The following PTPRD variants were observed in gnomAD, a reference collection of about 807,000 sequenced individuals.
PTPRD encodes protein tyrosine phosphatase receptor type D.
Under a neutral mutation model 214.5 loss-of-function variants are expected in PTPRD, and 34 were observed. The ratio of observed to expected loss-of-function variants is 0.16; its 90% CI spans 0.12 to 0.21. The LOEUF (loss-of-function observed/expected upper bound fraction) is 0.21, where lower values mean the gene tolerates loss of function less well. PTPRD is among the 10% of genes least tolerant of loss of function. The probability of loss-of-function intolerance (pLI) is 1.00; values close to 1 mark genes in which losing one functional copy is unlikely to be tolerated. For missense variants in PTPRD, 2,545 were observed against 2,398.7 expected, an observed-to-expected ratio of 1.06 and a Z score of -1.27; for synonymous variants, 1,128 against 845.7, an observed-to-expected ratio of 1.33 and a Z score of -5.79.
chr9:9,030,994 A>G (rs558987877), intron 10 of PTPRD, among the ~76,000 whole-genome samples: 10 of 152,058 alleles, frequency 6.6e-5, no homozygotes, highest in Admixed American at 2.0e-4. Context: ...GCTGAGTCTG[A>G]TATAATGGTG....
At chr9:10,393,832 T>G (rs1421450198) in intron 2 of PTPRD, among the ~76,000 whole-genome samples, 1 of 148,636 alleles carries the variant, frequency 6.7e-6, no homozygotes, top group Admixed American at 6.8e-5. Flanking sequence ...TTTATATGAT[T>G]CGAAGTAATG....
intron 5 of PTPRD, among the ~76,000 whole-genome samples, chr9:9,825,320 GAA>G (rs1387508026): frequency 5.3e-5 from 8 of 150,590 alleles, no homozygotes; most frequent in African/African-American, 1.7e-4. Flanking sequence ...GAAAGAGAAA[GAA>G]AGAGAGAGAG....
intron 9 of PTPRD, among the ~76,000 whole-genome samples, chr9:9,341,253 C>T (rs1056644549): frequency 2.6e-5 from 4 of 151,988 alleles, no homozygotes; most frequent in African/African-American, 9.7e-5. Context: ...TCTATTTAAC[C>T]TCCATCTGTA....
At chr9:9,830,424 A>G (rs1371510952) in intron 5 of PTPRD, among the ~76,000 whole-genome samples, 3 of 151,938 alleles carry the variant, frequency 2.0e-5, no homozygotes, top group African/African-American at 4.8e-5. Context: ...AGCAGCTTAT[A>G]AAAGATTACA....
chr9:9,368,319 GT>G, intron 9 of PTPRD, among the ~76,000 whole-genome samples: 1 of 151,144 alleles, frequency 6.6e-6, no homozygotes, highest in East Asian at 2.0e-4. Context: ...GAGCTCACAT[GT>G]GAATGAAATA....
intron 4 of PTPRD, among the ~76,000 whole-genome samples, chr9:9,993,143 G>C (rs1423989547): frequency 6.6e-6 from 1 of 152,108 alleles, no homozygotes; most frequent in Non-Finnish European, 1.5e-5. Flanking sequence ...ACTAGTATGA[G>C]TTGGCAAAGA....
chr9:9,154,369 A>G (rs1430603062), intron 10 of PTPRD, among the ~76,000 whole-genome samples: 1 of 152,156 alleles, frequency 6.6e-6, no homozygotes, highest in Non-Finnish European at 1.5e-5. Context: ...GAAAAGTCCA[A>G]GAGAAAGTTG....
At position 10,567,865 on chromosome 9, in the gene PTPRD, G is replaced by T. The variant is rs534509041; in HGVS notation, c.-600+44533C>A. ...TGCATTAATTTTCATTAAATTATTG[G>T]AAACAATCAATATGATTTTTGCATT... On this transcript the variant is annotated intron_variant, in intron 2 of 45. Transcript: ENST00000381196. Among the ~76,000 whole-genome samples the T allele has an allele frequency of 1.6e-3, 237 of 151,158 alleles. 2 individuals are homozygous for T. Among genetic ancestry groups the T allele is most frequent in the African/African-American group, 5.5e-3 (226 of 41,298 alleles).
At chr9:10,315,968 C>A (rs2096411259) in intron 3 of PTPRD, among the ~76,000 whole-genome samples, 1 of 151,526 alleles carries the variant, frequency 6.6e-6, no homozygotes, top group Non-Finnish European at 1.5e-5. Context: ...GCTTTTGGAT[C>A]CAGATTAGCC....
intron 6 of PTPRD, among the ~76,000 whole-genome samples, chr9:9,735,054 G>C (rs895052947): frequency 2.2e-4 from 33 of 152,194 alleles, no homozygotes; most frequent in Admixed American, 1.3e-3. Flanking sequence ...AACCATGAAA[G>C]ATATTATAAT....
intron 3 of PTPRD, among the ~76,000 whole-genome samples, chr9:10,060,859 T>G (rs2097757438): frequency 8.5e-6 from 1 of 117,694 alleles, no homozygotes; most frequent in African/African-American, 6.7e-5. Flanking sequence ...CTTTCTTTCT[T>G]CCTTCCTTCT....
intron 2 of PTPRD, among the ~76,000 whole-genome samples, chr9:10,377,551 T>C (rs1382937568): frequency 1.3e-5 from 2 of 152,022 alleles, no homozygotes; most frequent in South Asian, 2.1e-4. Context: ...TTTGTTTTTT[T>C]TGTCCTTGCA....
At chr9:8,993,045 GGC>G (rs2099383733) in intron 11 of PTPRD, among the ~76,000 whole-genome samples, 1 of 152,088 alleles carries the variant, frequency 6.6e-6, no homozygotes, top group South Asian at 2.1e-4. Context: ...TACCAAAGAT[GGC>G]TACAGTTGAT....
At chr9:10,123,865 A>G (rs2098795659) in intron 3 of PTPRD, among the ~76,000 whole-genome samples, 1 of 152,210 alleles carries the variant, frequency 6.6e-6, no homozygotes. Flanking sequence ...ACAATGTCAC[A>G]TCCATAGTGC....
In PTPRD at chr9:9,864,849, T is replaced by A. The variant is rs570020117; in HGVS notation, c.-368+73658A>T. 7.4e-4 allele frequency among the ~76,000 whole-genome samples: 113 copies of A among 152,278 alleles called. 2 individuals carry two copies. The South Asian group carries it at 0.023, about 32-fold the overall frequency. On this transcript the variant is annotated intron_variant, in intron 5 of 45. Coordinates refer to ENST00000381196, the MANE Select transcript of PTPRD (RefSeq NM_002839.4). ...GCACTTCGTAGTAAAGGGTGCATTATTCACATTAAAATTTATTACACATTT... is the reference window on the plus strand; with the variant it reads ...GCACTTCGTAGTAAAGGGTGCATTAATCACATTAAAATTTATTACACATTT...
At chr9:9,360,314 C>T (rs1199987042) in intron 9 of PTPRD, among the ~76,000 whole-genome samples, 5 of 150,902 alleles carry the variant, frequency 3.3e-5, no homozygotes, top group African/African-American at 1.2e-4. Context: ...TAGGGCAGTC[C>T]TTACCTCAAT....
At chr9:8,680,203 T>G (rs920062811) in intron 12 of PTPRD, among the ~76,000 whole-genome samples, 13 of 152,038 alleles carry the variant, frequency 8.6e-5, no homozygotes, top group African/African-American at 2.9e-4. Context: ...AAAGAAAAAT[T>G]TATCTAAAAG....
At chr9:8,452,220 G>A (rs1015454640) in intron 33 of PTPRD, among the ~76,000 whole-genome samples, 3 of 152,186 alleles carry the variant, frequency 2.0e-5, no homozygotes, top group Admixed American at 1.3e-4. Flanking sequence ...AAAACCAGCT[G>A]CTTAAATGTA....
chr9:10,339,984 T>C (rs2154443069), intron 3 of PTPRD, among the ~76,000 whole-genome samples: 1 of 151,938 alleles, frequency 6.6e-6, no homozygotes, highest in Non-Finnish European at 1.5e-5. Flanking sequence ...ATATTGACAA[T>C]ATATCCCTAT....
Sources: allele counts gnomAD v4.1 joint callset (sites outside exome capture counted in the v4.1 genomes callset), GRCh38; gene constraint gnomAD v4.1.1; transcripts MANE v1.5; gene names NCBI Gene and HGNC (gene_info 2026-07-23, HGNC 2026-07-21).